Variants in NRCAM observed in about 807,000 individuals in gnomAD.
NRCAM encodes neuronal cell adhesion molecule.
In NRCAM, 83 loss-of-function variants were observed where a neutral mutation model predicts 156.5. The ratio of observed to expected loss-of-function variants is 0.53; its 90% CI spans 0.44 to 0.64. The LOEUF (loss-of-function observed/expected upper bound fraction) is 0.64. Ranked by LOEUF, NRCAM falls within the 30% of genes least tolerant of loss-of-function variation. The probability of loss-of-function intolerance (pLI) is 0.00; values close to 1 mark genes in which losing one functional copy is unlikely to be tolerated. For missense variants in NRCAM, 1,417 were observed against 1,597.3 expected (o/e 0.89, Z 1.92); for synonymous variants, 538 against 563.9 (o/e 0.95, Z 0.65).
intron 2 of NRCAM, among the ~76,000 whole-genome samples, chr7:108,386,790 T>G (rs1323171437): frequency 6.6e-6 from 1 of 152,168 alleles, no homozygotes; most frequent in African/African-American, 2.4e-5. Context: ...GTGATTATTT[T>G]CTTTCATTTG....
intron 1 of NRCAM, among the ~76,000 whole-genome samples, chr7:108,451,022 C>A (rs893142377): frequency 6.6e-6 from 1 of 152,022 alleles, no homozygotes; most frequent in African/African-American, 2.4e-5. Flanking sequence ...GGTTGAAGAC[C>A]AGCTTGGCCA....
At chr7:108,337,011 T>A in intron 2 of NRCAM, among the ~76,000 whole-genome samples, 1 of 152,124 alleles carries the variant, frequency 6.6e-6, no homozygotes, top group Non-Finnish European at 1.5e-5. Flanking sequence ...ATGCCTGTAA[T>A]CCCAGCACTT....
chr7:108,376,983 G>A (rs2099678531), intron 2 of NRCAM, among the ~76,000 whole-genome samples: 1 of 151,966 alleles, frequency 6.6e-6, no homozygotes, highest in South Asian at 2.1e-4. Flanking sequence ...TAGGCAACAG[G>A]GCAAAACCTC....
chr7:108,448,472 T>G (rs570477820), intron 1 of NRCAM, among the ~76,000 whole-genome samples: 1 of 152,250 alleles, frequency 6.6e-6, no homozygotes, highest in African/African-American at 2.4e-5. Context: ...AAAGCAAAAT[T>G]TGGTGATGTT....
chr7:108,395,416 C>A (rs2099774001), intron 2 of NRCAM, among the ~76,000 whole-genome samples: 2 of 152,176 alleles, frequency 1.3e-5, no homozygotes, highest in Non-Finnish European at 2.9e-5. Flanking sequence ...GTAAAGTCTG[C>A]GATCTCTATG....
chr7:108,255,101 GCAA>G (rs1010686353), intron 3 of NRCAM, among the ~76,000 whole-genome samples: 1 of 152,130 alleles, frequency 6.6e-6, no homozygotes, highest in Non-Finnish European at 1.5e-5. Flanking sequence ...ACTGATATAT[GCAA>G]CAACATGCGG....
At chr7:108,265,365 C>T (rs2097060931) in intron 3 of NRCAM, among the ~76,000 whole-genome samples, 3 of 152,128 alleles carry the variant, frequency 2.0e-5, no homozygotes, top group Admixed American at 6.5e-5. Context: ...CAGATGGATC[C>T]CAATGTCCCT....
chr7:108,316,179 G>T (rs2098917389), intron 2 of NRCAM, among the ~76,000 whole-genome samples: 1 of 152,166 alleles, frequency 6.6e-6, no homozygotes, highest in Admixed American at 6.5e-5. Flanking sequence ...GTGGGAGTAG[G>T]TTTGTTCTCA....
chr7:108,294,193 GTTTTTTTTTTTT>G (rs56717039), intron 3 of NRCAM, among the ~76,000 whole-genome samples: 2,263 of 88,072 alleles, frequency 0.026, 45 homozygotes, highest in Non-Finnish European at 0.035. Context: ...TTCTTTACTG[GTTTTTTTTTTTT>G]TTTTTTTTTT....
intron 28 of NRCAM, among the ~76,000 whole-genome samples, chr7:108,174,843 T>G (rs577395690): frequency 6.6e-6 from 1 of 152,368 alleles, no homozygotes; most frequent in African/African-American, 2.4e-5. Flanking sequence ...ATTGCTACGC[T>G]GTAATTCCAA....
At chr7:108,201,633 CAAT>C (rs1250937426) in intron 13 of NRCAM, among the ~76,000 whole-genome samples, 1 of 152,136 alleles carries the variant, frequency 6.6e-6, no homozygotes, top group Non-Finnish European at 1.5e-5. Context: ...CAAAGCTCAA[CAAT>C]GTCAGTAGGA....
At chr7:108,430,555 TG>T (rs1264779144) in intron 1 of NRCAM, among the ~76,000 whole-genome samples, 2 of 152,150 alleles carry the variant, frequency 1.3e-5, no homozygotes, top group Non-Finnish European at 2.9e-5. Context: ...AAGTCCAGGC[TG>T]GGGAGAAGAG....
rs1426196993 is a variant in NRCAM, at chr7:108,160,350, T to TAA, written c.3598+10_3598+11insTT. On this transcript the variant is annotated intron_variant, in intron 31 of 32. Transcript: ENST00000379028. ...TAGCATTATAAAGCAATTTTAATCT[T>TAA]TCTTTCTTACCTGGATATTTACCAC... 12 of 1,611,248 alleles carry TAA rather than the reference T, an allele frequency of 7.4e-6. No homozygotes were observed. The highest frequency in any genetic ancestry group is 1.0e-5 in the Non-Finnish European group (12 of 1,178,182).
At chr7:108,391,997 G>A (rs186157581) in intron 2 of NRCAM, among the ~76,000 whole-genome samples, 1 of 152,180 alleles carries the variant, frequency 6.6e-6, no homozygotes, top group African/African-American at 2.4e-5. Context: ...CTCTCTGGCT[G>A]CCCTTAACCT....
chr7:108,246,074 G>A (rs2095890341), intron 3 of NRCAM, among the ~76,000 whole-genome samples: 2 of 152,338 alleles, frequency 1.3e-5, no homozygotes, highest in Middle Eastern at 3.4e-3. Flanking sequence ...CTTCTGGGAT[G>A]AGAGAGCTGA....
chr7:108,433,132 C>CTGCTTCTG (rs1159731236), intron 1 of NRCAM, among the ~76,000 whole-genome samples: 3 of 152,158 alleles, frequency 2.0e-5, no homozygotes, highest in Non-Finnish European at 2.9e-5. Flanking sequence ...CATCCCAGTC[C>CTGCTTCTG]TGCTTCTGTG....
At chr7:108,399,347 C>G (rs1166806058) in intron 2 of NRCAM, 89 bp downstream of exon 2, 1 of 152,128 alleles carries the variant, frequency 6.6e-6, no homozygotes, top group African/African-American at 2.4e-5. Context: ...ACCTGTTTCC[C>G]TCTTTTCACT....
At chr7:108,301,917 C>T (rs986495984) in intron 3 of NRCAM, among the ~76,000 whole-genome samples, 1 of 152,056 alleles carries the variant, frequency 6.6e-6, no homozygotes, top group African/African-American at 2.4e-5. Context: ...CAGCTTTGTA[C>T]ATGCTCTAGG....
At chr7:108,154,667 C>G (rs1229023762) in intron 32 of NRCAM, among the ~76,000 whole-genome samples, 1 of 152,112 alleles carries the variant, frequency 6.6e-6, no homozygotes, top group Non-Finnish European at 1.5e-5. Context: ...GAAGACCAGT[C>G]TTTAATAAGT....
Sources: allele counts gnomAD v4.1 joint callset (sites outside exome capture counted in the v4.1 genomes callset), GRCh38; gene constraint gnomAD v4.1.1; transcripts MANE v1.5; gene names NCBI Gene and HGNC (gene_info 2026-07-23, HGNC 2026-07-21).